The following BNC2 variants were observed in gnomAD, a reference collection of about 807,000 sequenced individuals.
BNC2 encodes the protein zinc finger protein basonuclin-2.
Under a neutral mutation model 76.3 loss-of-function variants are expected in BNC2, and 20 were observed. That is an observed-to-expected ratio of 0.26 (90% CI 0.18 to 0.38). BNC2 has a LOEUF of 0.38. Ranked by LOEUF, BNC2 falls within the 10% of genes least tolerant of loss-of-function variation. The pLI is 1.00. For synonymous variants in BNC2, 582 were observed against 514.8 expected, an observed-to-expected ratio of 1.13 and a Z score of -1.77; for missense variants, 1,382 against 1,399.8, an observed-to-expected ratio of 0.99 and a Z score of 0.20.
At chr9:16,420,836 G>A (rs2119089803) in intron 6 of BNC2, among the ~76,000 whole-genome samples, 1 of 152,142 alleles carries the variant, frequency 6.6e-6, no homozygotes, top group East Asian at 1.9e-4. Context: ...TTTTTAAAGT[G>A]CCCTTGGGCA....
At chr9:16,485,579 T>C (rs1328105883) in intron 5 of BNC2, among the ~76,000 whole-genome samples, 7 of 152,214 alleles carry the variant, frequency 4.6e-5, no homozygotes, top group Non-Finnish European at 1.5e-5. Flanking sequence ...GCTCATTTCA[T>C]GTGGCTAGGG....
chr9:16,772,661 AT>A (rs1282373831), intron 1 of BNC2, among the ~76,000 whole-genome samples: 1 of 152,048 alleles, frequency 6.6e-6, no homozygotes, highest in Non-Finnish European at 1.5e-5. Context: ...AACATTACAC[AT>A]TTTTTTAAAG....
chr9:16,788,659 A>C (rs1213750872), intron 1 of BNC2, among the ~76,000 whole-genome samples: 1 of 152,036 alleles, frequency 6.6e-6, no homozygotes, highest in Non-Finnish European at 1.5e-5. Context: ...TGGTGGTGAT[A>C]TGGTAGGATA....
chr9:16,793,982 G>A (rs940566012), intron 1 of BNC2, among the ~76,000 whole-genome samples: 3 of 151,008 alleles, frequency 2.0e-5, no homozygotes, highest in African/African-American at 2.4e-5. Flanking sequence ...GATTACAGGC[G>A]TGAGCCACCG....
At chr9:16,459,345 T>C (rs546199658) in intron 5 of BNC2, among the ~76,000 whole-genome samples, 1 of 152,296 alleles carries the variant, frequency 6.6e-6, no homozygotes, top group African/African-American at 2.4e-5. Context: ...TCAGGGAGTT[T>C]CCAGGCCTTT....
intron 3 of BNC2, among the ~76,000 whole-genome samples, chr9:16,667,904 G>A (rs914054022): frequency 5.3e-5 from 8 of 152,114 alleles, no homozygotes; most frequent in African/African-American, 1.9e-4. Context: ...CACTATTCAA[G>A]AACTCAACTA....
At chr9:16,497,607 G>C (rs1228025546) in intron 5 of BNC2, among the ~76,000 whole-genome samples, 1 of 152,004 alleles carries the variant, frequency 6.6e-6, no homozygotes, top group Non-Finnish European at 1.5e-5. Flanking sequence ...AAACAAATAG[G>C]TAAACAAATA....
rs188103839 is a variant in BNC2 at position 16,776,268 on chromosome 9, G to C, written c.4-37783C>G. 8.0e-4 allele frequency among the ~76,000 whole-genome samples: 122 copies of C among 152,196 alleles called. 1 individual carries two copies. The South Asian group carries it at 0.017, about 22-fold the overall frequency. ...CGATTCTCCTCTCTCAGTCTCCCAA[G>C]TAGCTGGGATTACAGGAGCCCACCA... On this transcript the variant is annotated intron_variant, in intron 1 of 6. Coordinates refer to ENST00000380672, the MANE Select transcript of BNC2 (RefSeq NM_017637.6).
chr9:16,773,626 AG>A (rs950817410), intron 1 of BNC2, among the ~76,000 whole-genome samples: 8 of 152,276 alleles, frequency 5.3e-5, no homozygotes, highest in African/African-American at 1.7e-4. Flanking sequence ...GCTGAGATAA[AG>A]GGGCTTGTCG....
At chr9:16,663,128 C>CTTTTTTTTTTTTTTTTTTTTTTTT (rs1220327938) in intron 3 of BNC2, among the ~76,000 whole-genome samples, 1 of 51,650 alleles carries the variant, frequency 1.9e-5, no homozygotes, top group African/African-American at 6.9e-5. Flanking sequence ...ACTCTGTTTA[C>CTTTTTTTTTTTTTTTTTTTTTTTT]TCTTTTTTTT....
intron 3 of BNC2, among the ~76,000 whole-genome samples, chr9:16,674,190 T>C (rs1001133259): frequency 6.6e-6 from 1 of 152,212 alleles, no homozygotes; most frequent in African/African-American, 2.4e-5. Context: ...TAAAAACATA[T>C]GATTTCTAAT....
chr9:16,590,278 C>T (rs1164959716), intron 3 of BNC2, among the ~76,000 whole-genome samples: 3 of 152,018 alleles, frequency 2.0e-5, no homozygotes, highest in South Asian at 2.1e-4. Context: ...CTGCAACCTC[C>T]GCCTCCCAGG....
chr9:16,508,519 T>G (rs892826383), intron 5 of BNC2, among the ~76,000 whole-genome samples: 1 of 152,250 alleles, frequency 6.6e-6, no homozygotes, highest in African/African-American at 2.4e-5. Flanking sequence ...ATTTCTGGCA[T>G]GTACATGTTG....
chr9:16,725,215 T>TCACACACACACA (rs1184662562), intron 3 of BNC2, among the ~76,000 whole-genome samples: 1 of 59,586 alleles, frequency 1.7e-5, no homozygotes, highest in African/African-American at 5.1e-5. Flanking sequence ...AGTCTCTCTC[T>TCACACACACACA]CTCACACACA....
intron 5 of BNC2, among the ~76,000 whole-genome samples, chr9:16,467,366 T>C (rs1344816160): frequency 6.7e-6 from 1 of 150,064 alleles, no homozygotes; most frequent in African/African-American, 2.5e-5. Flanking sequence ...CATGCTGCTA[T>C]AGAGACACAG....
intron 3 of BNC2, among the ~76,000 whole-genome samples, chr9:16,706,546 T>A (rs1056564879): frequency 6.6e-6 from 1 of 152,330 alleles, no homozygotes; most frequent in Middle Eastern, 3.4e-3. Context: ...TACAAAATGA[T>A]GATCTCAAAG....
rs186887853 is a variant in BNC2, at chr9:16,614,342, A to T, written c.331-31257T>A. ...CTCATCACAGCCTCCAAAATCCAAG[A>T]CAGTACCTAGCACAGAGTTAGCAAT... On this transcript the variant is annotated intron_variant, in intron 3 of 6. Transcript: ENST00000380672. 3.6e-3 allele frequency among the ~76,000 whole-genome samples: 543 copies of T among 152,266 alleles called. 3 individuals are homozygous for T. The highest frequency in any genetic ancestry group is 0.012 in the African/African-American group (506 of 41,556).
chr9:16,751,684 G>GTATATA (rs1205114108), intron 1 of BNC2, among the ~76,000 whole-genome samples: 1 of 38,486 alleles, frequency 2.6e-5, no homozygotes, highest in East Asian at 9.5e-4. Flanking sequence ...ATATATATAT[G>GTATATA]TATGTGTGTA....
intron 1 of BNC2, among the ~76,000 whole-genome samples, chr9:16,765,778 C>G (rs1164771203): frequency 6.9e-6 from 1 of 145,008 alleles, no homozygotes; most frequent in African/African-American, 2.5e-5. Flanking sequence ...AGGGCACTCT[C>G]GTAATTTTTT....
Sources: gnomAD v4.1 joint callset for allele counts (sites outside exome capture counted in the v4.1 genomes callset) on GRCh38, gnomAD v4.1.1 for gene constraint, MANE v1.5 for transcripts, NCBI Gene and HGNC (gene_info 2026-07-23, HGNC 2026-07-21) for gene names.